The following HMCN2 variants were observed in gnomAD, a reference collection of about 807,000 sequenced individuals.
HMCN2 encodes hemicentin-2.
Under a neutral mutation model 377.5 loss-of-function variants are expected in HMCN2, and 325 were observed. The observed-to-expected ratio is 0.86, with a 90% CI of 0.79 to 0.94. The LOEUF is 0.94. Among genes scored for constraint, HMCN2 ranks in the 40% least tolerant of loss-of-function variants. The probability of loss-of-function intolerance (pLI) is 0.00; values close to 1 mark genes in which losing one functional copy is unlikely to be tolerated. For synonymous variants in HMCN2, 2,007 were observed against 2,046.8 expected (o/e 0.98, Z 0.53); for missense variants, 4,543 against 4,725.3 (o/e 0.96, Z 1.13).
At chr9:130,273,156 TA>T (rs1834495058) in intron 1 of HMCN2, among the ~76,000 whole-genome samples, 1 of 150,884 alleles carries the variant, frequency 6.6e-6, no homozygotes, top group East Asian at 2.0e-4. Flanking sequence ...CTTTTTTTTT[TA>T]AAGATTATTT....
At chr9:130,312,483 TTCTC>T (rs1307022229) in intron 15 of HMCN2, among the ~76,000 whole-genome samples, 1 of 116,778 alleles carries the variant, frequency 8.6e-6, no homozygotes, top group Non-Finnish European at 1.8e-5. Context: ...TTTCCTTTCT[TTCTC>T]TCTCTCTCTT....
intron 7 of HMCN2, among the ~76,000 whole-genome samples, chr9:130,297,417 G>A (rs573892156): frequency 6.6e-6 from 1 of 152,344 alleles, no homozygotes; most frequent in Admixed American, 6.5e-5. Flanking sequence ...CCTGGGCACC[G>A]AGGCAGGTTT....
intron 85 of HMCN2, among the ~76,000 whole-genome samples, chr9:130,417,182 G>A (rs1199687293): frequency 6.6e-6 from 1 of 151,820 alleles, no homozygotes; most frequent in Non-Finnish European, 1.5e-5. Flanking sequence ...CAAAGTGCTA[G>A]GGTTACAGGC....
Position 130,422,833 on chromosome 9 carries a change from C to A in HMCN2, c.13381+107C>A. On this transcript the variant is annotated intron_variant, in intron 87 of 97. Coordinates refer to ENST00000683500, the MANE Select transcript of HMCN2 (RefSeq NM_001291815.2). The surrounding 1 kb of genome is among the most constrained non-coding windows in gnomAD (Gnocchi z 4.2). ...GAGGCGCAGAGCCTGTGCCCCGAGA[C>A]TTGCTCAAGGCCTGATGACCAGAGC... The A allele has an allele frequency of 1.1e-6, 1 of 949,408 alleles. No individual in the cohort carries two copies. The highest frequency in any genetic ancestry group is 1.4e-6 in the Non-Finnish European group (1 of 726,530). 58.8% of individuals were successfully genotyped at this position (949,408 alleles called of 1,614,324 possible).
intron 84 of HMCN2, among the ~76,000 whole-genome samples, chr9:130,409,396 T>C (rs1843292164): frequency 6.6e-6 from 1 of 152,208 alleles, no homozygotes; most frequent in African/African-American, 2.4e-5. Context: ...CCGTGCTGTT[T>C]CCAAAGCCTT....
Position 130,365,095 on chromosome 9 carries a change from C to G in HMCN2, c.6408+206C>G, listed in dbSNP as rs186571469. Among the ~76,000 whole-genome samples, 719 of 152,346 alleles carry G rather than the reference C, an allele frequency of 4.7e-3. 1 individual carries two copies. Among genetic ancestry groups the G allele is most frequent in the Non-Finnish European group, 5.7e-3 (388 of 68,020 alleles). ...AGCTGTTGGGTTAGAACCTTCCTCA[C>G]CTGTCTGCTCCTCCTCCCACCCCCC... On this transcript the variant is annotated intron_variant, in intron 41 of 97. Coordinates refer to ENST00000683500, the MANE Select transcript of HMCN2 (RefSeq NM_001291815.2).
At position 130,306,839 on chromosome 9, in the gene HMCN2, A is replaced by T. The variant is rs2131352974; in HGVS notation, c.1987A>T (p.Ile663Phe). The T allele has an allele frequency of 2.1e-6, 1 of 470,768 alleles. No individual in the cohort carries two copies. Among genetic ancestry groups the T allele is most frequent in the South Asian group, 1.6e-5 (1 of 64,516 alleles). 29.2% of individuals were successfully genotyped at this position (470,768 alleles called of 1,614,324 possible). ...CCATGTGGACGCACAGGGAACCCTG[A>T]TTATTCAGGGGGTAGCCCCAGAGGA... ...RIHVDAQGTL[I>F]IQGVAPEDAG... Residue 663 changes from isoleucine (I) to phenylalanine (F), a missense_variant, in exon 13 of 98, where the codon ATT (isoleucine) becomes TTT (phenylalanine). Transcript: ENST00000683500.
Position 130,349,012 on chromosome 9 carries a change from T to A in HMCN2, c.4184T>A (p.Leu1395Gln). Reference protein sequence around the residue: ...LIPKVGGHRLLDEGQSLHFPR... With the variant: ...LIPKVGGHRLQDEGQSLHFPR... The stretch of plus-strand genomic sequence containing the variant: ...CCTAAGGTGGGCGGCCACCGCCTCC[T>A]GGACGAGGGCCAGTCCCTCCACTTC... Residue 1395 changes from leucine to glutamine, a missense_variant, in exon 28 of 98, where the codon CTG (leucine) becomes CAG (glutamine). Coordinates refer to ENST00000683500, the MANE Select transcript of HMCN2 (RefSeq NM_001291815.2). 1 of 1,304,168 alleles carries A rather than the reference T, an allele frequency of 7.7e-7. No individual in the cohort carries two copies. Among genetic ancestry groups the A allele is most frequent in the African/African-American group, 1.5e-5 (1 of 65,984 alleles). 80.8% of individuals were successfully genotyped at this position (1,304,168 alleles called of 1,614,324 possible). A position where few individuals can be genotyped will look rare whatever the true frequency, so the allele number is the denominator to read the frequency against.
At chr9:130,405,134 C>A in intron 81 of HMCN2, 75 bp downstream of exon 81, 1 of 1,023,166 alleles carries the variant, frequency 9.8e-7, no homozygotes, top group Non-Finnish European at 1.3e-6. Flanking sequence ...GCGCTGAGCA[C>A]TATGCAGCCT....
intron 15 of HMCN2, among the ~76,000 whole-genome samples, chr9:130,316,494 A>C (rs1433416600): frequency 2.0e-5 from 3 of 152,054 alleles, no homozygotes; most frequent in African/African-American, 7.2e-5. Context: ...GCCCCATCCC[A>C]GGCTGGTGGC....
chr9:130,368,625 A>G (rs145780932), intron 44 of HMCN2, among the ~76,000 whole-genome samples, 188 bp downstream of exon 44: 6 of 152,252 alleles, frequency 3.9e-5, no homozygotes, highest in East Asian at 1.9e-4. Flanking sequence ...TGGCTAATTT[A>G]TAAACGAGAG....
intron 29 of HMCN2, among the ~76,000 whole-genome samples, chr9:130,350,734 A>T (rs532850776): frequency 1.0e-3 from 154 of 148,510 alleles, no homozygotes; most frequent in African/African-American, 3.6e-3. Flanking sequence ...AAAATACAAA[A>T]ATATATATAT....
chr9:130,384,890 G>A (rs1439490966), intron 59 of HMCN2, 92 bp downstream of exon 59: 13 of 854,514 alleles, frequency 1.5e-5, no homozygotes, highest in Non-Finnish European at 2.0e-5. Context: ...ACAGGAGAGG[G>A]CCAGGAGGCA....
chr9:130,324,615 AG>A (rs1838030249), intron 19 of HMCN2, among the ~76,000 whole-genome samples: 1 of 151,668 alleles, frequency 6.6e-6, no homozygotes, highest in Non-Finnish European at 1.5e-5. Flanking sequence ...GTTCCCTCTT[AG>A]TGGTTTTTTA....
At chr9:130,313,555 T>C (rs1837378939) in intron 15 of HMCN2, among the ~76,000 whole-genome samples, 1 of 151,840 alleles carries the variant, frequency 6.6e-6, no homozygotes, top group Admixed American at 6.6e-5. Context: ...TTCCTGAGAA[T>C]GTGCTTCACT....
chr9:130,296,977 C>A (rs1554932404), intron 7 of HMCN2, among the ~76,000 whole-genome samples, 183 bp downstream of exon 7: 1 of 152,160 alleles, frequency 6.6e-6, no homozygotes, highest in African/African-American at 2.4e-5. Flanking sequence ...AGCTTCCAGG[C>A]CAGCATTCTT....
intron 4 of HMCN2, among the ~76,000 whole-genome samples, chr9:130,289,677 C>G (rs1359876698): frequency 2.0e-5 from 3 of 152,160 alleles, no homozygotes; most frequent in African/African-American, 7.2e-5. Flanking sequence ...CCCCCCCGTG[C>G]TTCAATGTGG....
Position 130,351,333 on chromosome 9 carries a change from G to A in HMCN2, c.4431-90G>A, listed in dbSNP as rs932083514. Reference sequence around the variant, plus strand: ...TGGCGCTAATGAATGGCCCAGCCTCGCTTTTTACAAGCCACACACTCCCTG... The same window carrying A: ...TGGCGCTAATGAATGGCCCAGCCTCACTTTTTACAAGCCACACACTCCCTG... On this transcript the variant is annotated intron_variant, in intron 29 of 97. Coordinates refer to ENST00000683500, the MANE Select transcript of HMCN2 (RefSeq NM_001291815.2). This position sits in a 1 kb window ranked among gnomAD's most constrained non-coding sequence, Gnocchi z 5.4. 4 of 1,068,288 alleles carry A rather than the reference G, an allele frequency of 3.7e-6. No individual in the cohort carries two copies. The highest frequency in any genetic ancestry group is 3.2e-5 in the Admixed American group (1 of 30,832). The allele number at this position is 1,068,288 out of a possible 1,614,324, so 66.2% of individuals were successfully genotyped here.
At chr9:130,378,490 G>A (rs1184658413) in intron 53 of HMCN2, among the ~76,000 whole-genome samples, 2 of 63,062 alleles carry the variant, frequency 3.2e-5, no homozygotes, top group African/African-American at 9.8e-5. Flanking sequence ...GGGAGTGGGA[G>A]GCTGGGATGG....
Sources: allele counts gnomAD v4.1 joint callset (sites outside exome capture counted in the v4.1 genomes callset), GRCh38; gene constraint gnomAD v4.1.1; non-coding constraint Gnocchi (gnomAD v3.1); transcripts MANE v1.5; gene names NCBI Gene and HGNC (gene_info 2026-07-23, HGNC 2026-07-21).